Variants in RCOR1 observed in about 807,000 individuals in gnomAD.
The protein encoded by RCOR1 is REST corepressor.
RCOR1 carries 12 observed loss-of-function variants against 64.0 expected under a neutral mutation model. That is an observed-to-expected ratio of 0.19 (90% confidence interval 0.12 to 0.30). The LOEUF (loss-of-function observed/expected upper bound fraction) is 0.30. Among genes scored for constraint, RCOR1 ranks in the 10% least tolerant of loss-of-function variants. RCOR1 has a pLI of 1.00. For missense variants in RCOR1, 502 were observed against 621.2 expected, an observed-to-expected ratio of 0.81 and a Z score of 2.04; for synonymous variants, 279 against 227.2, an observed-to-expected ratio of 1.23 and a Z score of -2.05.
At chr14:102,668,167 A>G (rs1419044603) in intron 2 of RCOR1, among the ~76,000 whole-genome samples, 1 of 152,234 alleles carries the variant, frequency 6.6e-6, no homozygotes, top group Non-Finnish European at 1.5e-5. Context: ...ATTCCTCTAC[A>G]TCACATCCTC....
chr14:102,595,581 CTT>C (rs768934697), intron 2 of RCOR1, among the ~76,000 whole-genome samples: 6 of 144,214 alleles, frequency 4.2e-5, no homozygotes, highest in Non-Finnish European at 1.5e-5. Context: ...TTCCAAATTT[CTT>C]TTTTTTTTTT....
At chr14:102,593,387 G>A in intron 2 of RCOR1, 62 bp downstream of exon 2, 1 of 1,433,016 alleles carries the variant, frequency 7.0e-7, no homozygotes, top group Non-Finnish European at 9.1e-7. Flanking sequence ...TCCCCGGCGA[G>A]CCCGAGGGGG....
intron 2 of RCOR1, among the ~76,000 whole-genome samples, chr14:102,644,823 C>T (rs1404488641): frequency 6.6e-6 from 1 of 152,210 alleles, no homozygotes; most frequent in Non-Finnish European, 1.5e-5. Context: ...CACACGTTAC[C>T]AATTCCTTGA....
intron 4 of RCOR1, among the ~76,000 whole-genome samples, chr14:102,702,673 C>G (rs763592302): frequency 9.9e-5 from 15 of 152,148 alleles, no homozygotes; most frequent in Non-Finnish European, 2.1e-4. Flanking sequence ...AGTTTATACT[C>G]AGGCTGATCC....
intron 2 of RCOR1, among the ~76,000 whole-genome samples, chr14:102,670,151 A>G (rs1034974009): frequency 2.0e-5 from 3 of 152,156 alleles, no homozygotes; most frequent in African/African-American, 4.8e-5. Flanking sequence ...GGGTTTCACC[A>G]TGTTGGACAG....
chr14:102,695,916 C>T (rs1214176531), intron 3 of RCOR1, among the ~76,000 whole-genome samples: 4 of 152,024 alleles, frequency 2.6e-5, no homozygotes. Flanking sequence ...CAGACTACTT[C>T]TGTGAGCCTC....
chr14:102,617,957 GTTTCTTTTTTT>G (rs768031626), intron 2 of RCOR1, among the ~76,000 whole-genome samples: 3 of 143,092 alleles, frequency 2.1e-5, no homozygotes, highest in South Asian at 2.2e-4. Flanking sequence ...ACTTACATAA[GTTTCTTTTTTT>G]TTTCTTTTTT....
intron 6 of RCOR1, among the ~76,000 whole-genome samples, chr14:102,710,505 T>A (rs1417946570): frequency 6.6e-6 from 1 of 152,230 alleles, no homozygotes; most frequent in Non-Finnish European, 1.5e-5. Flanking sequence ...AGGATTTTTT[T>A]ACTGTTAGCA....
chr14:102,664,181 T>G (rs560369905), intron 2 of RCOR1, among the ~76,000 whole-genome samples: 1 of 152,266 alleles, frequency 6.6e-6, no homozygotes, highest in African/African-American at 2.4e-5. Flanking sequence ...TCTTGGCTCA[T>G]GTCAACCTCC....
At chr14:102,695,971 T>C (rs1456007363) in intron 3 of RCOR1, among the ~76,000 whole-genome samples, 1 of 152,052 alleles carries the variant, frequency 6.6e-6, no homozygotes, top group Middle Eastern at 3.2e-3. Context: ...TCAGAGAAGA[T>C]TAAAAAAAAG....
intron 2 of RCOR1, among the ~76,000 whole-genome samples, chr14:102,660,845 AATATT>A (rs1376875187): frequency 6.6e-6 from 1 of 152,216 alleles, no homozygotes; most frequent in Non-Finnish European, 1.5e-5. Flanking sequence ...CTAAAAACAT[AATATT>A]ATAAGGATAG....
chr14:102,683,878 T>C (rs1024132587), intron 3 of RCOR1, among the ~76,000 whole-genome samples: 3 of 152,210 alleles, frequency 2.0e-5, no homozygotes, highest in Admixed American at 2.0e-4. Flanking sequence ...CACCAGTCCC[T>C]AGCTCTGCGG....
chr14:102,680,832 C>T (rs957086900), intron 2 of RCOR1, among the ~76,000 whole-genome samples: 2 of 152,102 alleles, frequency 1.3e-5, no homozygotes, highest in Non-Finnish European at 2.9e-5. Flanking sequence ...AAGGCGGTCA[C>T]TCCATCTTTT....
At chr14:102,672,643 A>G (rs1019373949) in intron 2 of RCOR1, among the ~76,000 whole-genome samples, 11 of 152,246 alleles carry the variant, frequency 7.2e-5, no homozygotes, top group African/African-American at 9.6e-5. Context: ...CAGATGGCCA[A>G]TAAACTTATC....
intron 2 of RCOR1, among the ~76,000 whole-genome samples, chr14:102,625,033 A>G (rs1010600946): frequency 1.3e-5 from 2 of 150,264 alleles, no homozygotes; most frequent in Admixed American, 6.6e-5. Flanking sequence ...CACCTGGCTA[A>G]TTAAAAAAGA....
rs1423417432 is a variant in RCOR1 at position 102,592,689 on chromosome 14, C to T, written c.-198C>T. On this transcript the variant is annotated 5_prime_UTR_variant, in exon 1 of 12. Transcript: ENST00000262241. ...AGGGCGGCGATGAGAGCGAAAGTTGCGCTCGGCTCGTCGCTGGGGGCTTGA... is the reference window on the plus strand; with the variant it reads ...AGGGCGGCGATGAGAGCGAAAGTTGTGCTCGGCTCGTCGCTGGGGGCTTGA... The T allele has an allele frequency of 6.5e-5, 80 of 1,226,978 alleles. No homozygotes were observed. In the East Asian group the frequency reaches 2.2e-3, roughly 34 times the overall value. The allele number at this position is 1,226,978 out of a possible 1,614,324, so 76.0% of individuals were successfully genotyped here. A position where few individuals can be genotyped will look rare whatever the true frequency, so the allele number is the denominator to read the frequency against.
At chr14:102,654,285 C>T (rs1894676711) in intron 2 of RCOR1, among the ~76,000 whole-genome samples, 1 of 151,930 alleles carries the variant, frequency 6.6e-6, no homozygotes, top group Admixed American at 6.6e-5. Flanking sequence ...TTGCGCCCGG[C>T]CAGGTATTTT....
At chr14:102,629,640 A>G (rs372995621) in intron 2 of RCOR1, among the ~76,000 whole-genome samples, 1 of 152,192 alleles carries the variant, frequency 6.6e-6, no homozygotes, top group Non-Finnish European at 1.5e-5. Flanking sequence ...GAATACCTTT[A>G]TTGCTCTACA....
intron 3 of RCOR1, among the ~76,000 whole-genome samples, chr14:102,682,669 T>A (rs1288833322): frequency 7.9e-5 from 12 of 152,240 alleles, no homozygotes; most frequent in Non-Finnish European, 1.0e-4. Flanking sequence ...TCTAAGTGTG[T>A]TCCAGTTGGC....
Sources: gnomAD v4.1 joint callset for allele counts (sites outside exome capture counted in the v4.1 genomes callset) on GRCh38, gnomAD v4.1.1 for gene constraint, MANE v1.5 for transcripts, NCBI Gene and HGNC (gene_info 2026-07-23, HGNC 2026-07-21) for gene names.